STIM1: variants seen among roughly 807,000 people sequenced by gnomAD.
STIM1 encodes the protein stromal interaction molecule 1.
In STIM1, 25 loss-of-function variants were observed where a neutral mutation model predicts 74.7. That is an observed-to-expected ratio of 0.33 (90% CI 0.24 to 0.47). The LOEUF (loss-of-function observed/expected upper bound fraction) is 0.47, where lower values mean the gene tolerates loss of function less well. STIM1 is among the 20% of genes least tolerant of loss of function. The probability of loss-of-function intolerance (pLI) is 1.00; values close to 1 mark genes in which losing one functional copy is unlikely to be tolerated. For missense variants in STIM1, 728 were observed against 920.8 expected, an observed-to-expected ratio of 0.79 and a Z score of 2.71; for synonymous variants, 328 against 348.8, an observed-to-expected ratio of 0.94 and a Z score of 0.66.
chr11:3,864,073 G>A (rs61603624), intron 1 of STIM1, among the ~76,000 whole-genome samples: 3,175 of 152,000 alleles, frequency 0.021, 109 homozygotes, highest in African/African-American at 0.071. Flanking sequence ...TAACTCTGGT[G>A]TGGCCAAACC....
At chr11:3,891,796 A>G (rs935162985) in intron 1 of STIM1, among the ~76,000 whole-genome samples, 2 of 152,238 alleles carry the variant, frequency 1.3e-5, no homozygotes, top group Non-Finnish European at 2.9e-5. Flanking sequence ...GCATCTTTCT[A>G]GAGTGTAGCA....
intron 1 of STIM1, among the ~76,000 whole-genome samples, chr11:3,893,651 ATTT>A (rs71466135): frequency 6.9e-6 from 1 of 143,922 alleles, no homozygotes; most frequent in Non-Finnish European, 1.5e-5. Context: ...CTGGGTCAAC[ATTT>A]TTTTTTTTTT....
intron 1 of STIM1, among the ~76,000 whole-genome samples, chr11:3,880,801 T>C (rs2091471192): frequency 6.6e-6 from 1 of 152,156 alleles, no homozygotes; most frequent in African/African-American, 2.4e-5. Context: ...CCCTTTCCCT[T>C]ACTCCTCAAC....
intron 1 of STIM1, among the ~76,000 whole-genome samples, chr11:3,928,157 G>A (rs2092811091): frequency 1.3e-5 from 2 of 151,902 alleles, no homozygotes; most frequent in South Asian, 4.1e-4. Flanking sequence ...ATGGTTGACT[G>A]ATCTCCCTAA....
chr11:4,021,627 C>G (rs548345135), intron 2 of STIM1, among the ~76,000 whole-genome samples: 1 of 152,256 alleles, frequency 6.6e-6, no homozygotes, highest in African/African-American at 2.4e-5. Flanking sequence ...ATTGCTCTAG[C>G]TTTGTTCTTT....
At chr11:3,950,215 C>T (rs2093128884) in intron 1 of STIM1, among the ~76,000 whole-genome samples, 1 of 150,884 alleles carries the variant, frequency 6.6e-6, no homozygotes, top group African/African-American at 2.4e-5. Context: ...CTCACTGCAA[C>T]CTCCACCTCC....
intron 1 of STIM1, among the ~76,000 whole-genome samples, chr11:3,946,367 G>T (rs2093073585): frequency 6.6e-6 from 1 of 152,130 alleles, no homozygotes; most frequent in African/African-American, 2.4e-5. Context: ...ATACCTGTTG[G>T]CTGTGTGCAT....
At chr11:3,871,035 A>G (rs1177303523) in intron 1 of STIM1, among the ~76,000 whole-genome samples, 1 of 151,438 alleles carries the variant, frequency 6.6e-6, no homozygotes, top group East Asian at 1.9e-4. Flanking sequence ...ACCACTCCCA[A>G]CTAATTTTTG....
intron 1 of STIM1, among the ~76,000 whole-genome samples, chr11:3,939,517 A>T (rs538800808): frequency 1.3e-4 from 20 of 152,282 alleles, no homozygotes; most frequent in Non-Finnish European, 2.1e-4. Flanking sequence ...TACCACAATT[A>T]AAAAAATACA....
At chr11:3,920,916 C>T (rs561860445) in intron 1 of STIM1, among the ~76,000 whole-genome samples, 3 of 151,654 alleles carry the variant, frequency 2.0e-5, no homozygotes, top group Non-Finnish European at 4.4e-5. Flanking sequence ...CTGCCTCAGC[C>T]TCCCAAGTAG....
chr11:3,992,022 T>A (rs1208242032), intron 2 of STIM1, among the ~76,000 whole-genome samples: 1 of 146,122 alleles, frequency 6.8e-6, no homozygotes, highest in Admixed American at 6.7e-5. Context: ...CTGGACTAAT[T>A]TGCATTCCCA....
At chr11:3,884,986 G>A (rs2091651100) in intron 1 of STIM1, among the ~76,000 whole-genome samples, 1 of 152,152 alleles carries the variant, frequency 6.6e-6, no homozygotes, top group African/African-American at 2.4e-5. Context: ...GGTTGCCAGG[G>A]TGTGGGGGGA....
At chr11:3,991,460 C>G (rs1161740019) in intron 2 of STIM1, among the ~76,000 whole-genome samples, 1 of 151,850 alleles carries the variant, frequency 6.6e-6, no homozygotes, top group Non-Finnish European at 1.5e-5. Flanking sequence ...CGTGAATCAC[C>G]GTGCCTGGCC....
chr11:3,914,652 G>A (rs1010260879), intron 1 of STIM1, among the ~76,000 whole-genome samples: 2 of 152,130 alleles, frequency 1.3e-5, no homozygotes, highest in Non-Finnish European at 2.9e-5. Flanking sequence ...ATATTGGCCA[G>A]GATGGTCTCA....
chr11:3,908,333 C>T (rs528801488), intron 1 of STIM1, among the ~76,000 whole-genome samples: 4 of 152,304 alleles, frequency 2.6e-5, no homozygotes, highest in African/African-American at 9.6e-5. Context: ...TATTTGCTGG[C>T]CAGGCACGGC....
intron 5 of STIM1, 76 bp from the exon 6 acceptor site, chr11:4,069,950 G>A: frequency 1.3e-6 from 2 of 1,520,598 alleles, no homozygotes; most frequent in East Asian, 2.2e-5. Context: ...CTTCATAGAG[G>A]AGGGATGCAG....
At chr11:4,002,900 G>C (rs1453489969) in intron 2 of STIM1, among the ~76,000 whole-genome samples, 1 of 135,074 alleles carries the variant, frequency 7.4e-6, no homozygotes. Flanking sequence ...AAATGATAAA[G>C]GGGATATCAC....
chr11:3,941,671 TATAGAGAGAG>T (rs2093010154), intron 1 of STIM1, among the ~76,000 whole-genome samples: 1 of 76,102 alleles, frequency 1.3e-5, no homozygotes, highest in South Asian at 4.3e-4. Context: ...TATATATATA[TATAGAGAGAG>T]AGAGAGAGAG....
At chr11:4,042,530 G>A (rs887218111) in intron 3 of STIM1, among the ~76,000 whole-genome samples, 1 of 152,292 alleles carries the variant, frequency 6.6e-6, no homozygotes, top group Admixed American at 6.5e-5. Context: ...TGCCTGGCAA[G>A]TAGTAGCTGC....
Sources: allele counts gnomAD v4.1 joint callset (sites outside exome capture counted in the v4.1 genomes callset), GRCh38; gene constraint gnomAD v4.1.1; transcripts MANE v1.5; gene names NCBI Gene and HGNC (gene_info 2026-07-23, HGNC 2026-07-21).